The following KIF6 variants were observed in gnomAD, a reference collection of about 807,000 sequenced individuals.
KIF6 encodes kinesin family member 6, also known as kinesin-like protein KIF6.
In KIF6, 106 loss-of-function variants were observed where a neutral mutation model predicts 112.7. That is an observed-to-expected ratio of 0.94 (90% CI 0.80 to 1.11). The LOEUF is 1.11. Ranked by LOEUF, KIF6 falls within the 50% of genes least tolerant of loss-of-function variation. The pLI is 0.00. For missense variants in KIF6, 929 were observed against 964.0 expected (o/e 0.96, Z 0.48); for synonymous variants, 339 against 339.9 (o/e 1.00, Z 0.03).
chr6:39,373,799 C>G (rs1766220847), intron 16 of KIF6, among the ~76,000 whole-genome samples: 1 of 152,048 alleles, frequency 6.6e-6, no homozygotes, highest in South Asian at 2.1e-4. Context: ...AATATTCATA[C>G]TACCCAAAGC....
chr6:39,511,787 T>A (rs1427298324), intron 13 of KIF6, among the ~76,000 whole-genome samples: 9 of 152,168 alleles, frequency 5.9e-5, no homozygotes, highest in Admixed American at 5.9e-4. Context: ...TTCATGTCCT[T>A]TGAAGGAACA....
chr6:39,521,351 G>C (rs1777391948), intron 13 of KIF6, among the ~76,000 whole-genome samples: 2 of 152,186 alleles, frequency 1.3e-5, no homozygotes, highest in South Asian at 4.1e-4. Context: ...CTCTGAGGAG[G>C]CCTCTGAGTA....
intron 13 of KIF6, among the ~76,000 whole-genome samples, chr6:39,455,187 T>G (rs908356154): frequency 5.7e-4 from 87 of 152,258 alleles, no homozygotes; most frequent in African/African-American, 1.8e-3. Flanking sequence ...ACGGGCAGAC[T>G]GCCTCCTCAA....
rs1372843976 is a variant in KIF6, at chr6:39,334,726, A to T, written c.*1806T>A. On this transcript the variant is annotated 3_prime_UTR_variant, in exon 23 of 23. Coordinates refer to ENST00000287152, the MANE Select transcript of KIF6 (RefSeq NM_145027.6). ...GCCAAGAATACTGCTGCTGCTACAT[A>T]GGGGACTGGGGCAAATGCCATGCCA... 1 of 152,398 alleles carries T rather than the reference A, an allele frequency of 6.6e-6. No individual in the cohort carries two copies. The highest frequency in any genetic ancestry group is 2.4e-5 in the African/African-American group (1 of 41,446). The allele number at this position is 152,398 out of a possible 1,614,324, so 9.4% of individuals were successfully genotyped here.
At chr6:39,578,736 G>C (rs2150640729) in intron 9 of KIF6, among the ~76,000 whole-genome samples, 1 of 152,078 alleles carries the variant, frequency 6.6e-6, no homozygotes, top group African/African-American at 2.4e-5. Context: ...TGCATTTAAG[G>C]GGTCTGATTT....
At chr6:39,577,378 T>C (rs1047764574) in intron 10 of KIF6, among the ~76,000 whole-genome samples, 3 of 152,280 alleles carry the variant, frequency 2.0e-5, no homozygotes, top group African/African-American at 7.2e-5. Flanking sequence ...ATTTCTCATT[T>C]GGAAATAGAG....
rs1252103326 is a variant in KIF6, at chr6:39,337,211, C to CTTTCTT, written c.2429-669_2429-664dup. On this transcript the variant is annotated intron_variant, in intron 22 of 22. Coordinates refer to ENST00000287152, the MANE Select transcript of KIF6 (RefSeq NM_145027.6). ...TCTTTCTTTCTTTCTTTCTTTCTTT[C>CTTTCTT]TTTCTTTCTTTCTTTCTTTCTTTCT... Among the ~76,000 whole-genome samples the CTTTCTT allele has an allele frequency of 3.0e-4, 28 of 94,580 alleles. 3 individuals carry two copies. Among genetic ancestry groups the CTTTCTT allele is most frequent in the African/African-American group, 2.0e-3 (25 of 12,462 alleles). 62.0% of individuals were successfully genotyped at this position (94,580 alleles called of 152,430 possible).
intron 9 of KIF6, among the ~76,000 whole-genome samples, chr6:39,583,691 T>C (rs1208578709): frequency 7.6e-6 from 1 of 131,330 alleles, no homozygotes; most frequent in African/African-American, 2.8e-5. Flanking sequence ...TTTTTTTTTT[T>C]TTTTTTTTTT....
chr6:39,698,072 G>C (rs1303234894), intron 3 of KIF6, among the ~76,000 whole-genome samples: 1 of 152,112 alleles, frequency 6.6e-6, no homozygotes, highest in African/African-American at 2.4e-5. Flanking sequence ...TGAGACTATT[G>C]CCATGATTTT....
intron 3 of KIF6, among the ~76,000 whole-genome samples, chr6:39,683,484 T>C (rs1787655504): frequency 6.6e-6 from 1 of 152,166 alleles, no homozygotes; most frequent in Admixed American, 6.5e-5. Context: ...TACCAACTTT[T>C]AGATGTTCAT....
chr6:39,349,484 A>G (rs1322128800), intron 19 of KIF6, among the ~76,000 whole-genome samples: 1 of 151,890 alleles, frequency 6.6e-6, no homozygotes, highest in African/African-American at 2.4e-5. Flanking sequence ...AGGAATAGAG[A>G]TAGGCAGAGC....
chr6:39,348,297 A>AG (rs1763956752), intron 19 of KIF6, among the ~76,000 whole-genome samples: 1 of 151,908 alleles, frequency 6.6e-6, no homozygotes, highest in African/African-American at 2.4e-5. Flanking sequence ...GAAAGGTGGG[A>AG]GGGGGTGGAA....
chr6:39,419,353 C>CAAAAA (rs10682536), intron 15 of KIF6, among the ~76,000 whole-genome samples: 9 of 73,674 alleles, frequency 1.2e-4, no homozygotes, highest in South Asian at 6.3e-4. Flanking sequence ...GACTCTGTCT[C>CAAAAA]AAAAAAAAAA....
chr6:39,399,630 G>A (rs932297359), intron 15 of KIF6, among the ~76,000 whole-genome samples: 1 of 152,230 alleles, frequency 6.6e-6, no homozygotes, highest in Admixed American at 6.5e-5. Context: ...TCCAGGCAGT[G>A]CTCTGGAGAA....
chr6:39,451,444 A>G (rs1772696946), intron 13 of KIF6, among the ~76,000 whole-genome samples: 1 of 152,184 alleles, frequency 6.6e-6, no homozygotes, highest in African/African-American at 2.4e-5. Context: ...GAGGAATTGA[A>G]GTTCTTGCTT....
chr6:39,347,462 T>C (rs1344732360), intron 19 of KIF6, among the ~76,000 whole-genome samples: 2 of 152,194 alleles, frequency 1.3e-5, no homozygotes. Context: ...GAAGCTCCTC[T>C]TGGGAGGTGA....
At chr6:39,376,890 C>T (rs1766481806) in intron 16 of KIF6, among the ~76,000 whole-genome samples, 1 of 152,162 alleles carries the variant, frequency 6.6e-6, no homozygotes, top group Non-Finnish European at 1.5e-5. Flanking sequence ...AAAAAAAGAT[C>T]TGAAGTTGTT....
At chr6:39,445,800 A>C (rs1303882461) in intron 13 of KIF6, among the ~76,000 whole-genome samples, 1 of 152,236 alleles carries the variant, frequency 6.6e-6, no homozygotes, top group Non-Finnish European at 1.5e-5. Flanking sequence ...TGGCAAATCC[A>C]CAGGGATGGG....
At chr6:39,413,556 C>T (rs1769649337) in intron 15 of KIF6, among the ~76,000 whole-genome samples, 1 of 152,098 alleles carries the variant, frequency 6.6e-6, no homozygotes, top group Non-Finnish European at 1.5e-5. Context: ...GTCGATCATT[C>T]GTCCCTCCAA....
Sources: allele counts gnomAD v4.1 joint callset (sites outside exome capture counted in the v4.1 genomes callset), GRCh38; gene constraint gnomAD v4.1.1; transcripts MANE v1.5; gene names NCBI Gene and HGNC (gene_info 2026-07-23, HGNC 2026-07-21).